PAWR: variants seen among roughly 807,000 people sequenced by gnomAD.
The protein encoded by PAWR is pro-apoptotic WT1 regulator.
A neutral mutation model predicts 32.0 loss-of-function variants in PAWR; 23 were observed. That is an observed-to-expected ratio of 0.72 (90% confidence interval 0.52 to 1.02). The LOEUF (loss-of-function observed/expected upper bound fraction) is 1.02, where lower values mean the gene tolerates loss of function less well. Ranked by LOEUF, PAWR falls within the 50% of genes least tolerant of loss-of-function variation. The pLI is 0.00. For missense variants in PAWR, 457 were observed against 437.7 expected, an observed-to-expected ratio of 1.04 and a Z score of -0.39; for synonymous variants, 226 against 187.1, an observed-to-expected ratio of 1.21 and a Z score of -1.70.
At chr12:79,650,679 T>C (rs1436978747) in intron 2 of PAWR, among the ~76,000 whole-genome samples, 1 of 150,124 alleles carries the variant, frequency 6.7e-6, no homozygotes, top group African/African-American at 2.5e-5. Flanking sequence ...CAGTAAAACT[T>C]TCCTTACTCA....
At chr12:79,613,540 T>C in intron 4 of PAWR, 35 bp downstream of exon 4, 1 of 1,195,958 alleles carries the variant, frequency 8.4e-7, no homozygotes, top group Non-Finnish European at 1.2e-6. Context: ...ATTACATTCA[T>C]GTCTACAATA....
At chr12:79,638,897 T>TATATATATATATATG (rs57439521) in intron 2 of PAWR, among the ~76,000 whole-genome samples, 1 of 5,946 alleles carries the variant, frequency 1.7e-4, no homozygotes, top group African/African-American at 6.4e-4. Context: ...TATATATATA[T>TATATATATATATATG]TTTTTTTTTT....
chr12:79,690,850 C>G (rs1488674588), intron 1 of PAWR, 22 bp downstream of exon 1: 1 of 152,214 alleles, frequency 6.6e-6, no homozygotes, highest in Non-Finnish European at 1.5e-5. Context: ...TGGAAAGGAC[C>G]GGGTGTGAGC....
rs1211502227 is a variant in PAWR, at chr12:79,587,851, A to C, written c.*4756T>G. On this transcript the variant is annotated 3_prime_UTR_variant, in exon 7 of 7. Transcript: ENST00000328827. ...ACTTTATACATGCAAATTGAAAGTG[A>C]ATCTATATTAAGTTGACTATTCCAC... The C allele has an allele frequency of 1.3e-5, 2 of 151,996 alleles. No individual in the cohort carries two copies. Among genetic ancestry groups the C allele is most frequent in the African/African-American group, 4.8e-5 (2 of 41,454 alleles). 9.4% of individuals were successfully genotyped at this position (151,996 alleles called of 1,614,324 possible).
chr12:79,619,763 A>T (rs757478618), intron 3 of PAWR, among the ~76,000 whole-genome samples: 6 of 152,208 alleles, frequency 3.9e-5, no homozygotes, highest in Non-Finnish European at 8.8e-5. Flanking sequence ...CTCTTTCTGA[A>T]ACAATCTTCC....
intron 2 of PAWR, among the ~76,000 whole-genome samples, chr12:79,686,743 C>G (rs1878697236): frequency 6.6e-6 from 1 of 152,156 alleles, no homozygotes. Flanking sequence ...AGACTCAGGT[C>G]AAGATTCTCA....
intron 2 of PAWR, among the ~76,000 whole-genome samples, chr12:79,662,201 C>CAAAAA (rs57565065): frequency 4.4e-5 from 2 of 45,692 alleles, no homozygotes; most frequent in African/African-American, 1.4e-4. Context: ...AGACATCTCT[C>CAAAAA]AAAAAAAAAA....
At position 79,621,095 on chromosome 12, in the gene PAWR, C is replaced by A; in HGVS notation, c.629G>T (p.Gly210Val). The change falls in exon 3 of 7, where the codon GGC becomes GTC. Residue 210 changes from glycine to valine, a missense_variant. Physicochemically the swap from Gly to Val is moderately radical, Grantham distance 109. Transcript: ENST00000328827. ...ACTCACCTGTAGCAGATAGGAACTGCCTGGATCTAGTAAGTTTACAGCTTC... is the reference window on the plus strand; with the variant it reads ...ACTCACCTGTAGCAGATAGGAACTGACTGGATCTAGTAAGTTTACAGCTTC... Reference protein sequence around the residue: ...QNEAVNLLDPGSSYLLQEPPR... With the variant: ...QNEAVNLLDPVSSYLLQEPPR... The A allele has an allele frequency of 6.2e-7, 1 of 1,604,770 alleles. No individual in the cohort carries two copies. The highest frequency in any genetic ancestry group is 8.5e-7 in the Non-Finnish European group (1 of 1,176,194).
At chr12:79,618,823 C>T (rs1260189739) in intron 3 of PAWR, among the ~76,000 whole-genome samples, 1 of 152,052 alleles carries the variant, frequency 6.6e-6, no homozygotes, top group African/African-American at 2.4e-5. Context: ...AACTATATTT[C>T]TGTAGCCACA....
intron 2 of PAWR, among the ~76,000 whole-genome samples, chr12:79,650,773 C>T (rs1234786608): frequency 6.7e-6 from 1 of 150,346 alleles, no homozygotes; most frequent in Admixed American, 6.6e-5. Context: ...CGGACTTGGC[C>T]TACAACCACT....
chr12:79,615,767 G>T (rs779122751), intron 3 of PAWR, among the ~76,000 whole-genome samples: 2 of 152,102 alleles, frequency 1.3e-5, no homozygotes, highest in Non-Finnish European at 2.9e-5. Flanking sequence ...TCATACAGAA[G>T]TTTTTCCAGC....
At chr12:79,678,479 C>T (rs1029252691) in intron 2 of PAWR, among the ~76,000 whole-genome samples, 1 of 152,250 alleles carries the variant, frequency 6.6e-6, no homozygotes, top group African/African-American at 2.4e-5. Context: ...TGTGTGGGCA[C>T]TGGCACCCAA....
chr12:79,613,066 C>G (rs1874514189), intron 4 of PAWR, among the ~76,000 whole-genome samples: 1 of 152,168 alleles, frequency 6.6e-6, no homozygotes, highest in Non-Finnish European at 1.5e-5. Flanking sequence ...GAAGGGACCT[C>G]AGAAAGCTTA....
At chr12:79,658,778 C>T (rs866654827) in intron 2 of PAWR, among the ~76,000 whole-genome samples, 3 of 152,002 alleles carry the variant, frequency 2.0e-5, no homozygotes, top group Middle Eastern at 3.4e-3. Flanking sequence ...ATTCTCCTGC[C>T]TCAGCCTCTT....
intron 3 of PAWR, among the ~76,000 whole-genome samples, chr12:79,616,722 T>G (rs1227467026): frequency 6.8e-6 from 1 of 147,870 alleles, no homozygotes; most frequent in Non-Finnish European, 1.5e-5. Context: ...TTGTTTGGGT[T>G]TTTTTTTTAA....
intron 2 of PAWR, among the ~76,000 whole-genome samples, chr12:79,622,175 A>C (rs189518314): frequency 1.3e-5 from 2 of 152,314 alleles, no homozygotes; most frequent in East Asian, 3.9e-4. Flanking sequence ...GCCATTGTGC[A>C]AACCAAGAAG....
In PAWR at chr12:79,589,929, T is replaced by TA. The variant is rs1321445463; in HGVS notation, c.*2677dup. The TA allele has an allele frequency of 6.6e-6, 1 of 152,178 alleles. No individual in the cohort carries two copies. Among genetic ancestry groups the TA allele is most frequent in the Admixed American group, 6.5e-5 (1 of 15,278 alleles). 9.4% of individuals were successfully genotyped at this position (152,178 alleles called of 1,614,324 possible). A position where few individuals can be genotyped will look rare whatever the true frequency, so the allele number is the denominator to read the frequency against. ...TCTTTTAGGGTAGTGCACATGTACT[T>TA]AAAAACTACCTTCTACCAATCTCAA... On this transcript the variant is annotated 3_prime_UTR_variant, in exon 7 of 7. Coordinates refer to ENST00000328827, the MANE Select transcript of PAWR (RefSeq NM_002583.4).
chr12:79,625,833 CA>C (rs1398889767), intron 2 of PAWR, among the ~76,000 whole-genome samples: 1 of 139,912 alleles, frequency 7.1e-6, no homozygotes, highest in Non-Finnish European at 1.6e-5. Context: ...AAAAACAAAA[CA>C]AAAAAGTAAC....
rs1399096936 is a variant in PAWR, at chr12:79,586,683, AC to A, written c.*5923del. On this transcript the variant is annotated 3_prime_UTR_variant, in exon 7 of 7. Coordinates refer to ENST00000328827, the MANE Select transcript of PAWR (RefSeq NM_002583.4). ...AAAGTAAAAATTCAATCTATCTTTA[AC>A]CGGCTCATACTGTTTTCATGTTGTT... The A allele has an allele frequency of 6.6e-6, 1 of 152,170 alleles. No individual in the cohort carries two copies. The highest frequency in any genetic ancestry group is 1.5e-5 in the Non-Finnish European group (1 of 67,998). The allele number at this position is 152,170 out of a possible 1,614,324, so 9.4% of individuals were successfully genotyped here.
Sources: allele counts gnomAD v4.1 joint callset (sites outside exome capture counted in the v4.1 genomes callset), GRCh38; gene constraint gnomAD v4.1.1; transcripts MANE v1.5; gene names NCBI Gene and HGNC (gene_info 2026-07-23, HGNC 2026-07-21).